The following MYO18B variants were observed in gnomAD, a reference collection of about 807,000 sequenced individuals.
The protein encoded by MYO18B is unconventional myosin-XVIIIb.
Under a neutral mutation model 273.0 loss-of-function variants are expected in MYO18B, and 204 were observed. That is an observed-to-expected ratio of 0.75 (90% CI 0.67 to 0.84). The LOEUF (loss-of-function observed/expected upper bound fraction) is 0.84, where lower values mean the gene tolerates loss of function less well. MYO18B is among the 40% of genes least tolerant of loss of function. The pLI is 0.00. For synonymous variants in MYO18B, 1,330 were observed against 1,305.7 expected, an observed-to-expected ratio of 1.02 and a Z score of -0.40; for missense variants, 3,212 against 3,287.6, an observed-to-expected ratio of 0.98 and a Z score of 0.56.
intron 42 of MYO18B, 45 bp downstream of exon 42, chr22:26,004,900 G>A: frequency 2.5e-6 from 4 of 1,608,130 alleles, no homozygotes; most frequent in Non-Finnish European, 3.4e-6. Context: ...ATAGCTTGAA[G>A]AATCTCAGAC....
intron 43 of MYO18B, 106 bp from the exon 44 acceptor site, chr22:26,030,337 A>C (rs1188257165): frequency 2.0e-5 from 3 of 152,650 alleles, no homozygotes; most frequent in African/African-American, 7.2e-5. Flanking sequence ...TGATTGCACC[A>C]CTGCACACTA....
intron 34 of MYO18B, among the ~76,000 whole-genome samples, chr22:25,936,067 C>T (rs1160660792): frequency 6.6e-6 from 1 of 152,194 alleles, no homozygotes; most frequent in Non-Finnish European, 1.5e-5. Context: ...TCCAGGAGCC[C>T]AGTGTCCAGT....
At chr22:25,852,084 G>A (rs754170962) in intron 21 of MYO18B, among the ~76,000 whole-genome samples, 3 of 152,142 alleles carry the variant, frequency 2.0e-5, no homozygotes, top group Non-Finnish European at 4.4e-5. Flanking sequence ...CAGCACCCTG[G>A]GGTGGTCTAT....
intron 39 of MYO18B, among the ~76,000 whole-genome samples, chr22:25,955,865 C>T (rs571636024): frequency 6.6e-6 from 1 of 152,240 alleles, no homozygotes; most frequent in Admixed American, 6.5e-5. Flanking sequence ...ATCTAGTAAA[C>T]ATAGAGCTAT....
chr22:25,793,198 G>A (rs1469578836), intron 11 of MYO18B, among the ~76,000 whole-genome samples: 2 of 152,178 alleles, frequency 1.3e-5, no homozygotes, highest in Non-Finnish European at 2.9e-5. Context: ...AGTCCTCATA[G>A]CAGCCCTGGG....
Position 25,946,336 on chromosome 22 carries a change from A to G in MYO18B, c.5631+86A>G, listed in dbSNP as rs2092712784. 3.5e-6 allele frequency: 3 copies of G among 860,408 alleles called. No individual in the cohort carries two copies. In the African/African-American group the frequency reaches 5.3e-5, roughly 15 times the overall value. The allele number at this position is 860,408 out of a possible 1,614,324, so 53.3% of individuals were successfully genotyped here. On this transcript the variant is annotated intron_variant, in intron 35 of 43. Coordinates refer to ENST00000335473, the MANE Select transcript of MYO18B (RefSeq NM_032608.7). ...GTGGGCCTAGTGTGCGCTCAGCACT[A>G]TAGGAAGTATGAGGACATTTATTGT...
chr22:25,904,784 A>G (rs1284742580), intron 31 of MYO18B, among the ~76,000 whole-genome samples: 1 of 152,138 alleles, frequency 6.6e-6, no homozygotes, highest in Middle Eastern at 3.2e-3. Flanking sequence ...AATCCAAACC[A>G]CAAAAGTACA....
At chr22:25,963,155 TTTCTC>T (rs1212421790) in intron 39 of MYO18B, among the ~76,000 whole-genome samples, 7 of 125,362 alleles carry the variant, frequency 5.6e-5, no homozygotes, top group South Asian at 2.7e-4. Context: ...CTCTCTCCTC[TTTCTC>T]CTCTCTCTCT....
chr22:25,957,290 C>T (rs1195987469), intron 39 of MYO18B, among the ~76,000 whole-genome samples: 3 of 152,216 alleles, frequency 2.0e-5, no homozygotes, highest in African/African-American at 7.2e-5. Context: ...CCTCTTTTCT[C>T]TCTTTCCTCT....
intron 25 of MYO18B, among the ~76,000 whole-genome samples, chr22:25,887,253 C>T (rs1288459305): frequency 2.0e-5 from 3 of 152,146 alleles, no homozygotes; most frequent in Non-Finnish European, 4.4e-5. Context: ...TCACATAGTG[C>T]TTGTTGGATC....
chr22:25,850,488 T>C (rs1295819638), intron 20 of MYO18B, among the ~76,000 whole-genome samples: 3 of 152,222 alleles, frequency 2.0e-5, no homozygotes, highest in Admixed American at 2.0e-4. Context: ...CATAGGCCCA[T>C]GAGTGTCTAT....
At chr22:25,890,946 C>T in intron 26 of MYO18B, 71 bp downstream of exon 26, 1 of 1,545,880 alleles carries the variant, frequency 6.5e-7, no homozygotes, top group African/African-American at 1.4e-5. Flanking sequence ...CTCCCCGACC[C>T]TCTCATTGGA....
intron 34 of MYO18B, among the ~76,000 whole-genome samples, chr22:25,943,166 C>T (rs1488206431): frequency 6.6e-6 from 1 of 152,144 alleles, no homozygotes; most frequent in Non-Finnish European, 1.5e-5. Flanking sequence ...CAGAGGGGCC[C>T]TGCGTGAGGC....
Position 25,955,284 on chromosome 22 carries a change from CGGCGCCT to C in MYO18B, c.6079_6085del (p.Arg2027LysfsTer3), listed in dbSNP as rs757523550. 6.2e-7 allele frequency: 1 copy of C among 1,613,658 alleles called. No individual in the cohort carries two copies. The highest frequency in any genetic ancestry group is 1.1e-5 in the South Asian group (1 of 91,018). On this transcript the variant is annotated frameshift_variant, in exon 39 of 44. Transcript: ENST00000335473. LOFTEE classifies it high-confidence loss of function. Reference sequence around the variant, plus strand: ...GCGGGAGAGCAGCCAGTACTACCAGCGGCGCCTGGAAGAGCTGAAGGCCGACATGGAA... The same window carrying C: ...GCGGGAGAGCAGCCAGTACTACCAGCGGAAGAGCTGAAGGCCGACATGGAA...
intron 34 of MYO18B, among the ~76,000 whole-genome samples, chr22:25,941,390 C>T (rs2092642590): frequency 6.6e-6 from 1 of 152,190 alleles, no homozygotes; most frequent in Non-Finnish European, 1.5e-5. Context: ...AATAATTCTT[C>T]CCTGTCGCCT....
chr22:25,785,362 AC>A, intron 10 of MYO18B, 65 bp from the exon 11 acceptor site: 3 of 1,497,798 alleles, frequency 2.0e-6, no homozygotes, highest in Non-Finnish European at 2.7e-6. Context: ...CACTGTGACG[AC>A]CACCTGCCCT....
chr22:25,961,440 G>T (rs566866811), intron 39 of MYO18B, among the ~76,000 whole-genome samples: 1 of 152,242 alleles, frequency 6.6e-6, no homozygotes, highest in African/African-American at 2.4e-5. Flanking sequence ...TTGAATGTTT[G>T]TCCCTCAAGC....
chr22:25,794,230 C>T (rs1236755141), intron 11 of MYO18B, among the ~76,000 whole-genome samples: 1 of 151,094 alleles, frequency 6.6e-6, no homozygotes, highest in Non-Finnish European at 1.5e-5. Flanking sequence ...CCGCACCTGG[C>T]CTTTCTCTCT....
At chr22:25,996,828 C>T (rs563311407) in intron 40 of MYO18B, among the ~76,000 whole-genome samples, 1 of 152,244 alleles carries the variant, frequency 6.6e-6, no homozygotes, top group Admixed American at 6.5e-5. Context: ...CAGTGTCCCC[C>T]GGGAAGGTAG....
Sources: allele counts gnomAD v4.1 joint callset (sites outside exome capture counted in the v4.1 genomes callset), GRCh38; gene constraint gnomAD v4.1.1; transcripts MANE v1.5; gene names NCBI Gene and HGNC (gene_info 2026-07-23, HGNC 2026-07-21).